FSTL5: variants seen among roughly 807,000 people sequenced by gnomAD.
FSTL5 encodes the protein follistatin-related protein 5.
In FSTL5, 62 loss-of-function variants were observed where a neutral mutation model predicts 89.1. That is an observed-to-expected ratio of 0.70 (90% CI 0.57 to 0.86). FSTL5 has a LOEUF of 0.86. Among genes scored for constraint, FSTL5 ranks in the 40% least tolerant of loss-of-function variants. The pLI is 0.00. For missense variants in FSTL5, 1,057 were observed against 1,001.6 expected (o/e 1.06, Z -0.75); for synonymous variants, 383 against 346.2 (o/e 1.11, Z -1.18).
intron 3 of FSTL5, among the ~76,000 whole-genome samples, chr4:161,925,752 T>G (rs936083963): frequency 6.6e-6 from 1 of 151,188 alleles, no homozygotes; most frequent in African/African-American, 2.4e-5. Context: ...TGACTTAGAA[T>G]CATTGAATTA....
At chr4:161,449,306 A>C (rs914914488) in intron 15 of FSTL5, among the ~76,000 whole-genome samples, 32 of 152,332 alleles carry the variant, frequency 2.1e-4, no homozygotes, top group African/African-American at 7.5e-4. Flanking sequence ...TAATAAGTAT[A>C]TCAATTTCCT....
At chr4:161,684,063 T>C (rs1023634559) in intron 6 of FSTL5, among the ~76,000 whole-genome samples, 1 of 152,186 alleles carries the variant, frequency 6.6e-6, no homozygotes, top group Non-Finnish European at 1.5e-5. Context: ...CAGGTTGCTG[T>C]GAATGCCATT....
At chr4:161,499,530 T>G (rs1730223175) in intron 12 of FSTL5, among the ~76,000 whole-genome samples, 1 of 152,288 alleles carries the variant, frequency 6.6e-6, no homozygotes, top group East Asian at 1.9e-4. Context: ...TGAAAAAATT[T>G]GATATTTTCC....
intron 1 of FSTL5, among the ~76,000 whole-genome samples, chr4:162,112,795 A>T (rs1731496860): frequency 6.6e-6 from 1 of 151,538 alleles, no homozygotes; most frequent in African/African-American, 2.4e-5. Context: ...ACACACACAC[A>T]CACACACACA....
chr4:161,428,423 A>C (rs1560890264), intron 15 of FSTL5, among the ~76,000 whole-genome samples: 5 of 152,230 alleles, frequency 3.3e-5, no homozygotes, highest in African/African-American at 9.6e-5. Flanking sequence ...CCCCTCCGCC[A>C]ACCCCAGGTA....
In FSTL5 at chr4:162,056,127, A is replaced by G. The variant is rs138096592; in HGVS notation, c.127-22469T>C. On this transcript the variant is annotated intron_variant, in intron 2 of 15. Coordinates refer to ENST00000306100, the MANE Select transcript of FSTL5 (RefSeq NM_020116.5). ...ATGTGTGAATTAATGATGTGAAAAG[A>G]CAAGCATACATTGGAAAAAAACATT... Among the ~76,000 whole-genome samples, 155 of 152,136 alleles carry G rather than the reference A, an allele frequency of 1.0e-3. 2 individuals carry two copies. Among genetic ancestry groups the G allele is most frequent in the African/African-American group, 3.4e-3 (140 of 41,514 alleles).
chr4:161,711,885 T>C (rs1224238726), intron 6 of FSTL5, among the ~76,000 whole-genome samples: 1 of 152,180 alleles, frequency 6.6e-6, no homozygotes, highest in Non-Finnish European at 1.5e-5. Flanking sequence ...AGTACACGAC[T>C]ATCTCCGTAG....
intron 7 of FSTL5, among the ~76,000 whole-genome samples, chr4:161,617,775 A>G (rs1734951486): frequency 6.6e-6 from 1 of 152,230 alleles, no homozygotes; most frequent in Non-Finnish European, 1.5e-5. Context: ...TTATAGAATT[A>G]TATGTCCAGT....
At chr4:161,639,027 C>G (rs1735841515) in intron 7 of FSTL5, among the ~76,000 whole-genome samples, 1 of 151,122 alleles carries the variant, frequency 6.6e-6, no homozygotes, top group Non-Finnish European at 1.5e-5. Flanking sequence ...CTATGACAAA[C>G]CCACAGCCAA....
At chr4:162,045,436 G>A (rs754765252) in intron 2 of FSTL5, among the ~76,000 whole-genome samples, 6 of 151,954 alleles carry the variant, frequency 3.9e-5, no homozygotes, top group Non-Finnish European at 8.8e-5. Context: ...TTCCTGATTT[G>A]ATCATCACAA....
intron 7 of FSTL5, among the ~76,000 whole-genome samples, chr4:161,611,608 C>G (rs187755216): frequency 9.9e-5 from 15 of 152,090 alleles, no homozygotes; most frequent in Non-Finnish European, 1.9e-4. Flanking sequence ...ACCAACTAAC[C>G]AATGAGTTGC....
intron 11 of FSTL5, among the ~76,000 whole-genome samples, chr4:161,509,605 G>T (rs762204059): frequency 1.3e-5 from 2 of 152,114 alleles, no homozygotes; most frequent in Non-Finnish European, 2.9e-5. Context: ...AGGGTACAGT[G>T]ACTTGGGTTC....
chr4:161,642,669 C>T (rs1736006065), intron 7 of FSTL5, among the ~76,000 whole-genome samples: 1 of 152,124 alleles, frequency 6.6e-6, no homozygotes, highest in Non-Finnish European at 1.5e-5. Context: ...AGGGATGAAT[C>T]TTGAGGATAT....
At chr4:162,129,280 TC>T (rs1321727887) in intron 1 of FSTL5, among the ~76,000 whole-genome samples, 149 of 152,216 alleles carry the variant, frequency 9.8e-4, no homozygotes, top group African/African-American at 3.2e-3. Flanking sequence ...TTTGTTCAAA[TC>T]CACACCTTAC....
intron 7 of FSTL5, among the ~76,000 whole-genome samples, chr4:161,616,580 G>A (rs1734877790): frequency 6.6e-6 from 1 of 152,082 alleles, no homozygotes; most frequent in African/African-American, 2.4e-5. Context: ...TTGTGATTGT[G>A]TGAGTCAATA....
chr4:161,803,798 A>T (rs1260304071), intron 4 of FSTL5, among the ~76,000 whole-genome samples: 1 of 152,036 alleles, frequency 6.6e-6, no homozygotes, highest in Non-Finnish European at 1.5e-5. Context: ...ACTCAACTGT[A>T]TTATCTGATA....
chr4:161,966,237 C>T (rs543528355), intron 3 of FSTL5, among the ~76,000 whole-genome samples: 40 of 152,160 alleles, frequency 2.6e-4, no homozygotes, highest in African/African-American at 9.1e-4. Context: ...TGAAGCTTGG[C>T]TTGGAACTCT....
intron 4 of FSTL5, among the ~76,000 whole-genome samples, chr4:161,917,202 C>T (rs562427898): frequency 2.0e-5 from 3 of 152,214 alleles, no homozygotes; most frequent in African/African-American, 7.2e-5. Flanking sequence ...GTGATCCACC[C>T]GCCTCGGCCT....
At chr4:161,891,099 T>C (rs1243822073) in intron 4 of FSTL5, among the ~76,000 whole-genome samples, 1 of 152,152 alleles carries the variant, frequency 6.6e-6, no homozygotes, top group Non-Finnish European at 1.5e-5. Context: ...TTAACTATTG[T>C]CACATTATTA....
Sources: gnomAD v4.1 joint callset for allele counts (sites outside exome capture counted in the v4.1 genomes callset) on GRCh38, gnomAD v4.1.1 for gene constraint, MANE v1.5 for transcripts, NCBI Gene and HGNC (gene_info 2026-07-23, HGNC 2026-07-21) for gene names.